Variants in CARS2 observed in about 807,000 individuals in gnomAD.
The protein encoded by CARS2 is probable cysteine--tRNA ligase, mitochondrial.
In CARS2, 52 loss-of-function variants were observed where a neutral mutation model predicts 68.8. The ratio of observed to expected loss-of-function variants is 0.76; its 90% confidence interval spans 0.61 to 0.95. The LOEUF (loss-of-function observed/expected upper bound fraction) is 0.95. CARS2 is among the 40% of genes least tolerant of loss of function. CARS2 has a pLI of 0.00. For synonymous variants in CARS2, 314 were observed against 303.6 expected, an observed-to-expected ratio of 1.03 and a Z score of -0.36; for missense variants, 780 against 754.2, an observed-to-expected ratio of 1.03 and a Z score of -0.40.
At chr13:110,644,830 A>G (rs1887875469) in intron 12 of CARS2, 2 of 246,076 alleles carry the variant, frequency 8.1e-6, no homozygotes, top group Admixed American at 4.8e-5. Context: ...AAACGGGGAA[A>G]TCCTGGTACG....
At chr13:110,681,196 T>C (rs768380577) in intron 6 of CARS2, among the ~76,000 whole-genome samples, 2 of 152,204 alleles carry the variant, frequency 1.3e-5, no homozygotes, top group Non-Finnish European at 2.9e-5. Flanking sequence ...TGAGCCACCA[T>C]GCTCAACCAA....
At chr13:110,656,305 G>A (rs992106460) in intron 9 of CARS2, among the ~76,000 whole-genome samples, 4 of 151,850 alleles carry the variant, frequency 2.6e-5, no homozygotes, top group Non-Finnish European at 2.9e-5. Context: ...TCTCAAAAAA[G>A]ACAAAACAAA....
intron 6 of CARS2, among the ~76,000 whole-genome samples, chr13:110,680,502 G>A (rs1017224748): frequency 6.6e-6 from 1 of 152,226 alleles, no homozygotes; most frequent in East Asian, 1.9e-4. Flanking sequence ...AGCCTAGAGC[G>A]GCCAGGGCTG....
intron 9 of CARS2, among the ~76,000 whole-genome samples, chr13:110,656,757 G>T (rs366571): frequency 0.28 from 42,895 of 151,860 alleles, 6,749 homozygotes; most frequent in African/African-American, 0.39. Context: ...GGTGGTGGGC[G>T]CCTGTAGTCC....
chr13:110,654,930 A>G (rs1176328156), intron 9 of CARS2, among the ~76,000 whole-genome samples: 1 of 141,084 alleles, frequency 7.1e-6, no homozygotes, highest in Non-Finnish European at 1.5e-5. Flanking sequence ...TCAAAAAAAA[A>G]AAAAAGAAAA....
chr13:110,655,698 C>T lies in CARS2; in HGVS notation c.988-4598G>A, dbSNP rs371970701. Among the ~76,000 whole-genome samples the T allele has an allele frequency of 1.6e-4, 24 of 152,342 alleles. No homozygotes were observed. The East Asian group carries it at 3.1e-3, about 20-fold the overall frequency. ...TTGAATTTTTCTACCGTGTGGTTCT[C>T]TGTCTTGTCTGCAGTTTTCAAACTT... On this transcript the variant is annotated intron_variant, in intron 9 of 14. Coordinates refer to ENST00000257347, the MANE Select transcript of CARS2 (RefSeq NM_024537.4).
intron 8 of CARS2, chr13:110,664,616 A>G: frequency 1.0e-6 from 1 of 979,902 alleles, no homozygotes; most frequent in Non-Finnish European, 1.2e-6. Context: ...TAATGTGATT[A>G]CACCAAGCAC....
At chr13:110,673,776 C>T (rs994622332) in intron 7 of CARS2, among the ~76,000 whole-genome samples, 23 of 152,004 alleles carry the variant, frequency 1.5e-4, no homozygotes, top group Admixed American at 1.2e-3. Flanking sequence ...GTCAAATTGT[C>T]CCTGTTTGCA....
intron 3 of CARS2, among the ~76,000 whole-genome samples, chr13:110,688,582 A>G (rs1393069044): frequency 2.0e-5 from 3 of 152,096 alleles, no homozygotes; most frequent in Admixed American, 2.0e-4. Flanking sequence ...TTATCCCTTA[A>G]TCCTCAGGAG....
chr13:110,707,009 C>G (rs558614188), upstream of CARS2, among the ~76,000 whole-genome samples: 1 of 151,426 alleles, frequency 6.6e-6, no homozygotes, highest in South Asian at 2.1e-4. Context: ...CCCCAGCACA[C>G]ACCATGTCTG....
Position 110,682,753 on chromosome 13 carries a change from T to C in CARS2, c.655+298A>G, listed in dbSNP as rs376901389. ...AATATGATGTACGTGTATGAGGTTT[T>C]CATGTGCGCTGAAAACCCTGGGGAG... is the stretch of plus-strand genomic sequence containing the variant. On this transcript the variant is annotated intron_variant, in intron 6 of 14. Coordinates refer to ENST00000257347, the MANE Select transcript of CARS2 (RefSeq NM_024537.4). 4.2e-4 allele frequency among the ~76,000 whole-genome samples: 64 copies of C among 152,244 alleles called. No individual in the cohort carries two copies. In the East Asian group the frequency reaches 0.012, roughly 28 times the overall value.
At chr13:110,683,377 A>C (rs777320729) in intron 5 of CARS2, among the ~76,000 whole-genome samples, 12 of 152,122 alleles carry the variant, frequency 7.9e-5, no homozygotes, top group Non-Finnish European at 1.3e-4. Flanking sequence ...TCCCACCTCA[A>C]CCTTCCCAGT....
intron 13 of CARS2, chr13:110,643,039 T>C: frequency 6.1e-6 from 2 of 329,534 alleles, no homozygotes; most frequent in Non-Finnish European, 1.2e-5. Context: ...CAGCTGTACC[T>C]ATTTGTTAAA....
chr13:110,710,564 G>A (rs2064018623), upstream of CARS2, among the ~76,000 whole-genome samples: 3 of 152,036 alleles, frequency 2.0e-5, no homozygotes, highest in Non-Finnish European at 4.4e-5. Context: ...ACACGCCACA[G>A]GAAACAAAAC....
At chr13:110,666,164 G>A (rs1041533222) in intron 8 of CARS2, 10 of 985,198 alleles carry the variant, frequency 1.0e-5, no homozygotes, top group Admixed American at 6.1e-5. Flanking sequence ...ATCAGTGCTC[G>A]GCTCCCTGAG....
intron 7 of CARS2, among the ~76,000 whole-genome samples, chr13:110,672,777 G>A (rs2062836028): frequency 6.6e-6 from 1 of 152,174 alleles, no homozygotes; most frequent in Admixed American, 6.5e-5. Context: ...GAATCCAGGA[G>A]CTGGTTTTTT....
At chr13:110,645,591 T>G in intron 12 of CARS2, 1 of 167,968 alleles carries the variant, frequency 6.0e-6, no homozygotes. Context: ...GGGGTGCAGA[T>G]TGCATAACAG....
Position 110,642,352 on chromosome 13 carries a change from A to G in CARS2, c.1586T>C (p.Leu529Pro). ...GCCGTGGGCAGTCAGGCCCCGGCGC[A>G]GGGTGTCGCATGCTTCCAGCAGGGG... Reference protein sequence around the residue: ...RQPLLEACDTLRRGLTAHGIN... With the variant: ...RQPLLEACDTPRRGLTAHGIN... The change falls in exon 14 of 15, where the codon CTG (leucine) becomes CCG (proline). Residue 529 changes from leucine (L) to proline (P), a missense_variant. Transcript: ENST00000257347. 2.6e-6 allele frequency: 4 copies of G among 1,552,898 alleles called. No homozygotes were observed. The highest frequency in any genetic ancestry group is 2.4e-5 in the South Asian group (2 of 84,260).
At position 110,705,652 on chromosome 13, in the gene CARS2, A is replaced by C. The variant is rs2063919689; in HGVS notation, c.225-81T>G. On this transcript the variant is annotated intron_variant, in intron 1 of 14. Transcript: ENST00000257347. This position sits in a 1 kb window ranked among gnomAD's most constrained non-coding sequence, Gnocchi z 4.0. ...GATTCTGAGTTATAATGATCATATA[A>C]TTTTTAAAGTAATCACTTCTGGGGG... 2.0e-6 allele frequency: 3 copies of C among 1,497,422 alleles called. No homozygotes were observed. Among genetic ancestry groups the C allele is most frequent in the Non-Finnish European group, 2.8e-6 (3 of 1,079,782 alleles). The allele number at this position is 1,497,422 out of a possible 1,614,324, so 92.8% of individuals were successfully genotyped here.
Sources: gnomAD v4.1 joint callset for allele counts (sites outside exome capture counted in the v4.1 genomes callset) on GRCh38, gnomAD v4.1.1 for gene constraint, Gnocchi (gnomAD v3.1) non-coding constraint, MANE v1.5 for transcripts, NCBI Gene and HGNC (gene_info 2026-07-23, HGNC 2026-07-21) for gene names.